DNAI1: variants seen among roughly 807,000 people sequenced by gnomAD.
DNAI1 encodes the protein dynein axonemal intermediate chain 1, also known as dynein, axonemal, intermediate polypeptide 1.
A neutral mutation model predicts 92.0 loss-of-function variants in DNAI1; 67 were observed. The ratio of observed to expected loss-of-function variants is 0.73; its 90% CI spans 0.60 to 0.89. DNAI1 has a LOEUF of 0.89. DNAI1 is among the 40% of genes least tolerant of loss of function. The probability of loss-of-function intolerance (pLI) is 0.00; values close to 1 mark genes in which losing one functional copy is unlikely to be tolerated. For synonymous variants in DNAI1, 323 were observed against 319.6 expected, an observed-to-expected ratio of 1.01 and a Z score of -0.11; for missense variants, 839 against 866.6, an observed-to-expected ratio of 0.97 and a Z score of 0.40.
At chr9:34,520,269 T>G (rs1189224400) in intron 19 of DNAI1, among the ~76,000 whole-genome samples, 1 of 152,134 alleles carries the variant, frequency 6.6e-6, no homozygotes, top group Non-Finnish European at 1.5e-5. Context: ...TTGATAGGTC[T>G]CGGCCAGGGA....
At chr9:34,499,220 G>A (rs1040351384) in intron 10 of DNAI1, among the ~76,000 whole-genome samples, 10 of 152,330 alleles carry the variant, frequency 6.6e-5, no homozygotes, top group South Asian at 2.1e-4. Flanking sequence ...CAAGGCTCAC[G>A]CCTCTCTGAC....
At chr9:34,520,460 C>T (rs1825255000) in intron 19 of DNAI1, among the ~76,000 whole-genome samples, 198 bp from the exon 20 acceptor site, 1 of 152,166 alleles carries the variant, frequency 6.6e-6, no homozygotes, top group East Asian at 1.9e-4. Context: ...TTTTTGCAAG[C>T]TGTCAGCTGA....
In DNAI1 at chr9:34,514,334, A is replaced by T. The variant is rs1435104307; in HGVS notation, c.1570-60A>T. 6.9e-6 allele frequency: 11 copies of T among 1,598,480 alleles called. No homozygotes were observed. The Admixed American group carries it at 1.2e-4, about 17-fold the overall frequency. On this transcript the variant is annotated intron_variant, in intron 16 of 19. Transcript: ENST00000242317. Reference sequence around the variant, plus strand: ...TAAGGCTCTGATCCTCCAGACCCCCAGGGAAGTGGTGGCTGCTGACCTTTC... The same window carrying T: ...TAAGGCTCTGATCCTCCAGACCCCCTGGGAAGTGGTGGCTGCTGACCTTTC...
chr9:34,462,732 G>C (rs1325514552), intron 1 of DNAI1, among the ~76,000 whole-genome samples: 1 of 152,152 alleles, frequency 6.6e-6, no homozygotes, highest in African/African-American at 2.4e-5. Context: ...TTTGGCAGTA[G>C]GGCTATGAAT....
rs192815440 is a variant in DNAI1, at chr9:34,495,038, A to G, written c.816+1710A>G. 1.0e-3 allele frequency among the ~76,000 whole-genome samples: 152 copies of G among 152,312 alleles called. 1 individual carries two copies. The highest frequency in any genetic ancestry group is 3.5e-3 in the African/African-American group (147 of 41,566). ...AAATGTGCTGGAGGGGAGAAAAGATAAAAACTTCATGATATCCTATAGGAA... is the reference window on the plus strand; with the variant it reads ...AAATGTGCTGGAGGGGAGAAAAGATGAAAACTTCATGATATCCTATAGGAA... On this transcript the variant is annotated intron_variant, in intron 9 of 19. Coordinates refer to ENST00000242317, the MANE Select transcript of DNAI1 (RefSeq NM_012144.4).
At chr9:34,514,829 C>T in intron 18 of DNAI1, 90 bp downstream of exon 18, 2 of 1,394,538 alleles carry the variant, frequency 1.4e-6, no homozygotes, top group East Asian at 2.3e-5. Flanking sequence ...CCATCCCATG[C>T]CTAGGTCAGG....
chr9:34,512,665 G>C (rs1296376324), intron 15 of DNAI1, among the ~76,000 whole-genome samples: 5 of 152,188 alleles, frequency 3.3e-5, no homozygotes, highest in African/African-American at 1.2e-4. Context: ...TGCAGATCAG[G>C]TGCTGTTATG....
chr9:34,487,953 G>T (rs1236280289), intron 4 of DNAI1: 1 of 243,634 alleles, frequency 4.1e-6, no homozygotes, highest in African/African-American at 2.3e-5. Flanking sequence ...CAGAAGCAAT[G>T]GAGTCTGGGT....
intron 10 of DNAI1, among the ~76,000 whole-genome samples, chr9:34,499,190 G>T (rs919091252): frequency 6.6e-6 from 1 of 152,206 alleles, no homozygotes; most frequent in Non-Finnish European, 1.5e-5. Context: ...TAACCCAAGC[G>T]GGGTAATCTC....
At chr9:34,505,087 C>T (rs1232719196) in intron 12 of DNAI1, among the ~76,000 whole-genome samples, 8 of 152,136 alleles carry the variant, frequency 5.3e-5, no homozygotes, top group East Asian at 1.9e-4. Context: ...ATTAGTTTCC[C>T]GTTGCTGCTG....
intron 13 of DNAI1, among the ~76,000 whole-genome samples, chr9:34,507,467 T>C (rs1188548331): frequency 6.6e-6 from 1 of 152,208 alleles, no homozygotes; most frequent in Non-Finnish European, 1.5e-5. Flanking sequence ...GTTCATTAAA[T>C]GTAAGTGGAT....
In DNAI1 at chr9:34,493,182, A is replaced by G. The variant is rs755730248; in HGVS notation, c.682-12A>G. 6 of 1,613,966 alleles carry G rather than the reference A, an allele frequency of 3.7e-6. No homozygotes were observed. The South Asian group carries it at 5.5e-5, about 15-fold the overall frequency. On this transcript the variant is annotated splice_polypyrimidine_tract_variant and intron_variant, in intron 8 of 19. Coordinates refer to ENST00000242317, the MANE Select transcript of DNAI1 (RefSeq NM_012144.4). ...ACCTTACAATGATCCTTCTTATCTC[A>G]CCCTTGCCTAGTGGGAGATCTATGA...
chr9:34,461,948 A>G (rs528463887), intron 1 of DNAI1, among the ~76,000 whole-genome samples: 18 of 152,298 alleles, frequency 1.2e-4, no homozygotes, highest in African/African-American at 4.1e-4. Flanking sequence ...AGAAGCCTGC[A>G]GGTTAGAGCA....
Position 34,458,882 on chromosome 9 carries a change from A to G in DNAI1, c.-124A>G, listed in dbSNP as rs1318821675. The G allele has an allele frequency of 1.4e-5, 12 of 849,264 alleles. No individual in the cohort carries two copies. The Admixed American group carries it at 2.3e-4, about 16-fold the overall frequency. The allele number at this position is 849,264 out of a possible 1,614,324, so 52.6% of individuals were successfully genotyped here. ...GGACCCACAACGACGGCTGTCCCTA[A>G]AGAACCGTTGCGACTGGTAACTGAA... On this transcript the variant is annotated 5_prime_UTR_variant, in exon 1 of 20. Coordinates refer to ENST00000242317, the MANE Select transcript of DNAI1 (RefSeq NM_012144.4). This position sits in a 1 kb window ranked among gnomAD's most constrained non-coding sequence, Gnocchi z 6.6.
chr9:34,520,614 G>A, intron 19 of DNAI1, 44 bp from the exon 20 acceptor site: 2 of 1,528,966 alleles, frequency 1.3e-6, no homozygotes, highest in Non-Finnish European at 1.8e-6. Context: ...CCAGAGAGGG[G>A]GGGCCCACCA....
chr9:34,469,202 T>C (rs539124960), intron 1 of DNAI1, among the ~76,000 whole-genome samples: 3 of 150,952 alleles, frequency 2.0e-5, no homozygotes, highest in East Asian at 3.9e-4. Context: ...GAAACAATTA[T>C]ATGAATTGTG....
intron 8 of DNAI1, among the ~76,000 whole-genome samples, chr9:34,492,180 GTAC>G (rs1824613593): frequency 6.6e-6 from 1 of 152,022 alleles, no homozygotes; most frequent in South Asian, 2.1e-4. Context: ...AAAGATTAGA[GTAC>G]TTTGCAATGT....
chr9:34,487,358 T>G (rs934285574), intron 4 of DNAI1, among the ~76,000 whole-genome samples: 13 of 151,990 alleles, frequency 8.6e-5, no homozygotes, highest in Non-Finnish European at 1.8e-4. Flanking sequence ...GCTAATTTTT[T>G]GTATTTTTAG....
intron 1 of DNAI1, among the ~76,000 whole-genome samples, chr9:34,461,315 A>G (rs1823947929): frequency 6.6e-6 from 1 of 152,238 alleles, no homozygotes; most frequent in East Asian, 1.9e-4. Context: ...GGTTTGGTTT[A>G]CATATAATAG....
Sources: allele counts gnomAD v4.1 joint callset (sites outside exome capture counted in the v4.1 genomes callset), GRCh38; gene constraint gnomAD v4.1.1; non-coding constraint Gnocchi (gnomAD v3.1); transcripts MANE v1.5; gene names NCBI Gene and HGNC (gene_info 2026-07-23, HGNC 2026-07-21).